NCOA3: variants seen among roughly 807,000 people sequenced by gnomAD.
NCOA3 encodes the protein CBP-interacting protein.
NCOA3 carries 51 observed loss-of-function variants against 158.8 expected under a neutral mutation model. The ratio of observed to expected loss-of-function variants is 0.32; its 90% confidence interval spans 0.26 to 0.41. The LOEUF (loss-of-function observed/expected upper bound fraction) is 0.41. Ranked by LOEUF, NCOA3 falls within the 10% of genes least tolerant of loss-of-function variation. The pLI is 1.00. For synonymous variants in NCOA3, 537 were observed against 592.4 expected, an observed-to-expected ratio of 0.91 and a Z score of 1.36; for missense variants, 1,510 against 1,746.6, an observed-to-expected ratio of 0.86 and a Z score of 2.41.
At chr20:47,602,216 C>G (rs752716971) in intron 2 of NCOA3, among the ~76,000 whole-genome samples, 6 of 152,000 alleles carry the variant, frequency 3.9e-5, no homozygotes, top group Non-Finnish European at 8.8e-5. Flanking sequence ...TTGATTTGGC[C>G]CTTCTTTAAT....
intron 2 of NCOA3, among the ~76,000 whole-genome samples, chr20:47,590,846 A>G (rs2085621454): frequency 6.6e-6 from 1 of 152,120 alleles, no homozygotes; most frequent in Non-Finnish European, 1.5e-5. Flanking sequence ...ATGGTGGCTC[A>G]TACCTGTAGT....
intron 17 of NCOA3, among the ~76,000 whole-genome samples, chr20:47,646,329 C>T (rs892281804): frequency 6.6e-6 from 1 of 152,180 alleles, no homozygotes; most frequent in Non-Finnish European, 1.5e-5. Flanking sequence ...TTTCAGTCCC[C>T]TGTTGGTTGA....
intron 2 of NCOA3, among the ~76,000 whole-genome samples, chr20:47,617,186 C>A (rs565451616): frequency 1.3e-5 from 2 of 152,270 alleles, no homozygotes; most frequent in East Asian, 3.9e-4. Flanking sequence ...GAACTCCTGA[C>A]CTCAGGTGAT....
intron 19 of NCOA3, among the ~76,000 whole-genome samples, chr20:47,650,090 C>A (rs1210174970): frequency 1.3e-5 from 2 of 151,768 alleles, no homozygotes; most frequent in Non-Finnish European, 2.9e-5. Flanking sequence ...TTTCATAGTT[C>A]CTGAAAAATT....
intron 1 of NCOA3, among the ~76,000 whole-genome samples, chr20:47,581,499 A>G (rs1052596849): frequency 6.6e-6 from 1 of 152,166 alleles, no homozygotes; most frequent in South Asian, 2.1e-4. Flanking sequence ...TGCAGACTAC[A>G]CTACGTGGAA....
At chr20:47,652,855 G>A (rs2086818910) in intron 21 of NCOA3, 76 bp from the exon 22 acceptor site, 1 of 1,491,266 alleles carries the variant, frequency 6.7e-7, no homozygotes, top group Non-Finnish European at 9.3e-7. Flanking sequence ...TGACACAATT[G>A]TAGTAATTTC....
chr20:47,508,153 A>G (rs1378687279), intron 1 of NCOA3, among the ~76,000 whole-genome samples: 1 of 152,184 alleles, frequency 6.6e-6, no homozygotes, highest in East Asian at 1.9e-4. Context: ...ATATAAGAAA[A>G]AGACTGTTCT....
chr20:47,635,289 T>A, intron 10 of NCOA3, 33 bp from the exon 11 acceptor site: 1 of 1,533,600 alleles, frequency 6.5e-7, no homozygotes, highest in Non-Finnish European at 8.8e-7. Flanking sequence ...ATGCTTAGAA[T>A]TTTTTAGTAA....
chr20:47,589,645 G>A (rs1260339674), intron 2 of NCOA3, among the ~76,000 whole-genome samples: 4 of 152,108 alleles, frequency 2.6e-5, no homozygotes, highest in African/African-American at 9.7e-5. Flanking sequence ...AAAGTTCTGG[G>A]ATTATAGGCA....
chr20:47,581,879 A>C (rs1453769348), intron 1 of NCOA3, among the ~76,000 whole-genome samples: 1 of 152,184 alleles, frequency 6.6e-6, no homozygotes, highest in Admixed American at 6.5e-5. Context: ...GTCAAAATGC[A>C]TCCTTTTATA....
At chr20:47,503,288 GA>G (rs764634392) in intron 1 of NCOA3, among the ~76,000 whole-genome samples, 6 of 152,204 alleles carry the variant, frequency 3.9e-5, no homozygotes, top group Non-Finnish European at 4.4e-5. Context: ...GGTCTTCAGC[GA>G]ATGCTGCACA....
chr20:47,647,008 A>G, intron 17 of NCOA3, 65 bp from the exon 18 acceptor site: 1 of 1,476,964 alleles, frequency 6.8e-7, no homozygotes. Flanking sequence ...CACTTTCTTT[A>G]GAGCATTTGA....
At chr20:47,585,254 G>T (rs2146226225) in intron 2 of NCOA3, among the ~76,000 whole-genome samples, 1 of 152,110 alleles carries the variant, frequency 6.6e-6, no homozygotes, top group South Asian at 2.1e-4. Flanking sequence ...ATTTCACCAT[G>T]TTGGCCAGGC....
At chr20:47,536,768 G>A (rs1186560484) in intron 1 of NCOA3, among the ~76,000 whole-genome samples, 1 of 151,436 alleles carries the variant, frequency 6.6e-6, no homozygotes, top group Non-Finnish European at 1.5e-5. Flanking sequence ...TGGGATTACA[G>A]GTATGAAGCC....
Position 47,628,033 on chromosome 20 carries a change from CT to C in NCOA3, c.823+17del. ...AGACATGATCTTTCAGGTAAAAACTCTTTTTTTGTCTCTCTCTCTCTCTGTG... is the reference window on the plus strand; with the variant it reads ...AGACATGATCTTTCAGGTAAAAACTCTTTTTTGTCTCTCTCTCTCTCTGTG... On this transcript the variant is annotated intron_variant, in intron 8 of 22. Coordinates refer to ENST00000371998, the MANE Select transcript of NCOA3 (RefSeq NM_181659.3). 6.3e-7 allele frequency: 1 copy of C among 1,588,050 alleles called. No individual in the cohort carries two copies. Among genetic ancestry groups the C allele is most frequent in the Non-Finnish European group, 8.6e-7 (1 of 1,156,786 alleles).
intron 2 of NCOA3, among the ~76,000 whole-genome samples, chr20:47,586,418 G>A (rs1011910091): frequency 6.7e-6 from 1 of 149,518 alleles, no homozygotes; most frequent in Admixed American, 6.7e-5. Context: ...ATTTGAGGGT[G>A]AGTTACATAT....
At chr20:47,542,933 C>G (rs1203555912) in intron 1 of NCOA3, among the ~76,000 whole-genome samples, 2 of 152,142 alleles carry the variant, frequency 1.3e-5, no homozygotes, top group African/African-American at 4.8e-5. Context: ...CCACTGTACT[C>G]CAGTCTGGGT....
chr20:47,598,959 G>C (rs890121385), intron 2 of NCOA3, among the ~76,000 whole-genome samples: 1 of 152,190 alleles, frequency 6.6e-6, no homozygotes, highest in Admixed American at 6.5e-5. Context: ...GATATGCTTA[G>C]ATACACAAAT....
chr20:47,563,026 G>A (rs1390357504), intron 1 of NCOA3, among the ~76,000 whole-genome samples: 2 of 152,184 alleles, frequency 1.3e-5, no homozygotes, highest in Admixed American at 6.5e-5. Flanking sequence ...GATTACAGGC[G>A]TGAGCCAACA....
Sources: gnomAD v4.1 joint callset for allele counts (sites outside exome capture counted in the v4.1 genomes callset) on GRCh38, gnomAD v4.1.1 for gene constraint, MANE v1.5 for transcripts, NCBI Gene and HGNC (gene_info 2026-07-23, HGNC 2026-07-21) for gene names.